Variants in RAPH1 observed in about 807,000 individuals in gnomAD.
The protein encoded by RAPH1 is ras-associated and pleckstrin homology domains-containing protein 1.
In RAPH1, 18 loss-of-function variants were observed where a neutral mutation model predicts 88.1. The observed-to-expected ratio is 0.20, with a 90% CI of 0.14 to 0.30. RAPH1 has a LOEUF of 0.30. RAPH1 is among the 10% of genes least tolerant of loss of function. The pLI is 1.00. For missense variants in RAPH1, 1,448 were observed against 1,543.2 expected (o/e 0.94, Z 1.03); for synonymous variants, 587 against 559.0 (o/e 1.05, Z -0.71).
chr2:203,512,140 T>C (rs1276283910), intron 1 of RAPH1, among the ~76,000 whole-genome samples: 2 of 147,368 alleles, frequency 1.4e-5, no homozygotes, highest in Non-Finnish European at 3.0e-5. Context: ...TTAAGCAGAA[T>C]ATGGGCCAGG....
chr2:203,496,105 T>G (rs190086348), intron 1 of RAPH1, among the ~76,000 whole-genome samples: 135 of 152,194 alleles, frequency 8.9e-4, no homozygotes, highest in Middle Eastern at 6.8e-3. Flanking sequence ...CGCCTGTAAT[T>G]CCAGCACTTT....
rs2098498903 is a variant in RAPH1, at chr2:203,436,817, A to G, written c.*2620T>C. On this transcript the variant is annotated 3_prime_UTR_variant, in exon 14 of 14. Coordinates refer to ENST00000319170, the MANE Select transcript of RAPH1 (RefSeq NM_213589.3). ...ACCAGAGAAAAAGAGCTACAGAAATACAGTCTAGGAAAAGCTACATCCCAA... is the reference window on the plus strand; with the variant it reads ...ACCAGAGAAAAAGAGCTACAGAAATGCAGTCTAGGAAAAGCTACATCCCAA... 6.6e-6 allele frequency: 1 copy of G among 152,268 alleles called. No individual in the cohort carries two copies. The highest frequency in any genetic ancestry group is 2.1e-4 in the South Asian group (1 of 4,830). The allele number at this position is 152,268 out of a possible 1,614,324, so 9.4% of individuals were successfully genotyped here. A position where few individuals can be genotyped will look rare whatever the true frequency, so the allele number is the denominator to read the frequency against.
intron 10 of RAPH1, among the ~76,000 whole-genome samples, chr2:203,453,545 CAAAAAAAAAAA>C (rs59304139): frequency 3.2e-3 from 90 of 28,282 alleles, no homozygotes; most frequent in African/African-American, 9.2e-3. Flanking sequence ...GACCCTGCCT[CAAAAAAAAAAA>C]AAAAAAAAAA....
At chr2:203,457,175 T>TTTTATTTA (rs559431461) in intron 8 of RAPH1, among the ~76,000 whole-genome samples, 7 of 151,424 alleles carry the variant, frequency 4.6e-5, no homozygotes, top group African/African-American at 7.3e-5. Flanking sequence ...TAATATTTTA[T>TTTTATTTA]TTTATTTATT....
chr2:203,465,294 A>G (rs191010317), intron 4 of RAPH1, among the ~76,000 whole-genome samples: 3 of 152,346 alleles, frequency 2.0e-5, no homozygotes, highest in East Asian at 3.9e-4. Flanking sequence ...TGACAATGGA[A>G]TATTATTCAG....
intron 4 of RAPH1, among the ~76,000 whole-genome samples, chr2:203,471,782 TTTATAA>T: frequency 6.6e-6 from 1 of 150,582 alleles, no homozygotes; most frequent in Non-Finnish European, 1.5e-5. Context: ...CAAGGTAAAC[TTTATAA>T]GCATAAATGC....
At chr2:203,509,718 C>T (rs1689250651) in intron 1 of RAPH1, among the ~76,000 whole-genome samples, 1 of 152,124 alleles carries the variant, frequency 6.6e-6, no homozygotes, top group Admixed American at 6.6e-5. Context: ...CAAATGTAAT[C>T]CCTAATGTTG....
At position 203,461,830 on chromosome 2, in the gene RAPH1, A is replaced by C. The variant is rs1245828138; in HGVS notation, c.810+18T>G. 20 of 1,574,468 alleles carry C rather than the reference A, an allele frequency of 1.3e-5. No homozygotes were observed. Among genetic ancestry groups the C allele is most frequent in the Non-Finnish European group, 1.5e-5 (17 of 1,161,628 alleles). ...ACTGATAAAAAAATCCCAAACCAGG[A>C]AGAGGCCCACATATCACCTTTTTCA... On this transcript the variant is annotated intron_variant, in intron 5 of 13. Transcript: ENST00000319170.
rs1488308709 is a variant in RAPH1, at chr2:203,434,056, C to CTATCTATA, written c.*5380_*5381insTATAGATA. Reference sequence around the variant, plus strand: ...CTCTCTCATATATCTATCTATCTATCTATATATATATATATATATATATAG... The same window carrying CTATCTATA: ...CTCTCTCATATATCTATCTATCTATCTATCTATATATATATATATATATATATATATAG... On this transcript the variant is annotated 3_prime_UTR_variant, in exon 14 of 14. Transcript: ENST00000319170. 642 of 145,666 alleles carry CTATCTATA rather than the reference C, an allele frequency of 4.4e-3. 4 individuals carry two copies. The highest frequency in any genetic ancestry group is 8.5e-3 in the African/African-American group (334 of 39,300). The allele number at this position is 145,666 out of a possible 1,614,324, so 9.0% of individuals were successfully genotyped here. A position where few individuals can be genotyped will look rare whatever the true frequency, so the allele number is the denominator to read the frequency against.
chr2:203,457,410 T>C, intron 8 of RAPH1, 120 bp downstream of exon 8: 1 of 825,368 alleles, frequency 1.2e-6, no homozygotes, highest in East Asian at 2.4e-5. Context: ...GGTCTTGAAC[T>C]CCTGATCTTG....
rs2098498342 is a variant in RAPH1, at chr2:203,436,180, T to TG, written c.*3256_*3257insC. On this transcript the variant is annotated 3_prime_UTR_variant, in exon 14 of 14. Transcript: ENST00000319170. ...AGATAGTTCACAGCCCTTTGCAGGA[T>TG]ATGCCTTTGGTGGGTGGGAGCACCT... is the stretch of plus-strand genomic sequence containing the variant. 1 of 152,222 alleles carries TG rather than the reference T, an allele frequency of 6.6e-6. No individual in the cohort carries two copies. Among genetic ancestry groups the TG allele is most frequent in the Admixed American group, 6.5e-5 (1 of 15,278 alleles). 9.4% of individuals were successfully genotyped at this position (152,222 alleles called of 1,614,324 possible).
intron 1 of RAPH1, among the ~76,000 whole-genome samples, chr2:203,498,552 G>A (rs983345423): frequency 6.6e-6 from 1 of 152,194 alleles, no homozygotes; most frequent in Non-Finnish European, 1.5e-5. Context: ...TTAGAGGACA[G>A]CACTCCAGGT....
At chr2:203,509,725 G>T (rs181116120) in intron 1 of RAPH1, among the ~76,000 whole-genome samples, 2 of 152,298 alleles carry the variant, frequency 1.3e-5, no homozygotes, top group East Asian at 1.9e-4. Context: ...AATCCCTAAT[G>T]TTGGAGGTGG....
In RAPH1 at chr2:203,439,987, G is replaced by A; in HGVS notation, c.3203C>T (p.Pro1068Leu). ...AGGGGGTGGAAAATCAGAATCGGAT[G>A]GAGGAGAAGGAAATTCCACCACGGA... ...KDSVVEFPSP[P>L]SDSDFPPPPP... The change falls in exon 14 of 14, where the codon CCA becomes CTA. Residue 1068 changes from proline to leucine, a missense_variant. Pro to Leu is a moderately conservative substitution (Grantham distance 98, BLOSUM62 -3). Around this residue, in one of 2 missense-constraint regions of RAPH1, gnomAD observed 935 missense variants for 890.1 expected, o/e 1.05. Coordinates refer to ENST00000319170, the MANE Select transcript of RAPH1 (RefSeq NM_213589.3). 6.2e-7 allele frequency: 1 copy of A among 1,613,514 alleles called. No individual in the cohort carries two copies. Among genetic ancestry groups the A allele is most frequent in the South Asian group, 1.1e-5 (1 of 91,050 alleles).
intron 4 of RAPH1, among the ~76,000 whole-genome samples, chr2:203,479,366 G>A (rs908393857): frequency 6.6e-6 from 1 of 152,206 alleles, no homozygotes; most frequent in African/African-American, 2.4e-5. Context: ...CCCTTTGGGA[G>A]GCTGAGGCGG....
chr2:203,487,625 TC>T (rs1272120754), intron 4 of RAPH1, among the ~76,000 whole-genome samples: 1 of 152,148 alleles, frequency 6.6e-6, no homozygotes, highest in Non-Finnish European at 1.5e-5. Flanking sequence ...CCTCAGGTGA[TC>T]CGCCCGCCTC....
At chr2:203,500,169 G>C (rs1688679592) in intron 1 of RAPH1, among the ~76,000 whole-genome samples, 1 of 152,172 alleles carries the variant, frequency 6.6e-6, no homozygotes, top group Non-Finnish European at 1.5e-5. Flanking sequence ...AACCAACAAT[G>C]ATGAAACACT....
chr2:203,440,876 G>A lies in RAPH1; in HGVS notation c.2314C>T (p.Pro772Ser), dbSNP rs759470044. 1 of 1,390,260 alleles carries A rather than the reference G, an allele frequency of 7.2e-7. No individual in the cohort carries two copies. Among genetic ancestry groups the A allele is most frequent in the South Asian group, 1.3e-5 (1 of 77,586 alleles). 86.1% of individuals were successfully genotyped at this position (1,390,260 alleles called of 1,614,324 possible). The change falls in exon 14 of 14, where the codon CCC becomes TCC. Residue 772 changes from proline (P) to serine (S), a missense_variant. By Grantham distance (74) the Pro-to-Ser change is moderately conservative. Transcript: ENST00000319170. ...TTTGGGGGAGCTTGGGGAGGGAGGG[G>A]TGCAGGGATAGGAGGAGGTGGGGGG... ...TPPPPPPIPA[P>S]LPPQAPPKPL... is the part of the protein sequence containing the mutation.
chr2:203,441,095 G>T lies in RAPH1; in HGVS notation c.2095C>A (p.Pro699Thr). The T allele has an allele frequency of 6.2e-7, 1 of 1,605,350 alleles. No homozygotes were observed. Reference protein sequence around the residue: ...PPVMQSQSVKPQILVPPNGVV... With the variant: ...PPVMQSQSVKTQILVPPNGVV... ...CCATTGGGGGGTACCAGGATCTGAG[G>T]CTTCACTGACTGTGACTGCATCACT... The change falls in exon 14 of 14, where the codon CCT (proline) becomes ACT (threonine). Residue 699 changes from proline to threonine, a missense_variant. Pro to Thr is a conservative substitution (Grantham distance 38, BLOSUM62 -1). Transcript: ENST00000319170.
Sources: gnomAD v4.1 joint callset for allele counts (sites outside exome capture counted in the v4.1 genomes callset) on GRCh38, gnomAD v4.1.1 for gene constraint, gnomAD v4.1.1 regional missense constraint, MANE v1.5 for transcripts, NCBI Gene and HGNC (gene_info 2026-07-23, HGNC 2026-07-21) for gene names.